The following NKAIN2 variants were observed in gnomAD, a reference collection of about 807,000 sequenced individuals.
NKAIN2 encodes the protein sodium/potassium transporting ATPase interacting 2.
A neutral mutation model predicts 32.6 loss-of-function variants in NKAIN2; 14 were observed. The observed-to-expected ratio is 0.43, with a 90% CI of 0.28 to 0.67. The LOEUF is 0.67. Among genes scored for constraint, NKAIN2 ranks in the 30% least tolerant of loss-of-function variants. The probability of loss-of-function intolerance (pLI) is 0.17; values close to 1 mark genes in which losing one functional copy is unlikely to be tolerated. For missense variants in NKAIN2, 198 were observed against 258.3 expected, an observed-to-expected ratio of 0.77 and a Z score of 1.60; for synonymous variants, 80 against 87.2, an observed-to-expected ratio of 0.92 and a Z score of 0.46.
intron 1 of NKAIN2, among the ~76,000 whole-genome samples, chr6:124,111,227 T>G (rs78299195): frequency 0.027 from 4,181 of 152,188 alleles, 157 homozygotes; most frequent in East Asian, 0.1. Flanking sequence ...GTCCATTTTT[T>G]CTTTAATGTT....
intron 3 of NKAIN2, among the ~76,000 whole-genome samples, chr6:124,592,998 C>G (rs924520080): frequency 1.3e-5 from 2 of 152,146 alleles, no homozygotes; most frequent in Non-Finnish European, 2.9e-5. Context: ...TAATCTTCCC[C>G]CTACTAACAT....
At chr6:124,792,827 G>A (rs531694700) in intron 5 of NKAIN2, among the ~76,000 whole-genome samples, 1 of 152,202 alleles carries the variant, frequency 6.6e-6, no homozygotes, top group South Asian at 2.1e-4. Flanking sequence ...GAGAAAATTG[G>A]AAAAACAAGT....
chr6:123,886,756 C>A (rs945200169), intron 1 of NKAIN2, among the ~76,000 whole-genome samples: 1 of 152,086 alleles, frequency 6.6e-6, no homozygotes, highest in Non-Finnish European at 1.5e-5. Flanking sequence ...TCAGTTCTTT[C>A]AGAACAGTAA....
intron 4 of NKAIN2, among the ~76,000 whole-genome samples, chr6:124,786,293 A>G (rs185911607): frequency 6.6e-6 from 1 of 152,208 alleles, no homozygotes; most frequent in East Asian, 1.9e-4. Context: ...TGTAATTGTT[A>G]TATATATAAT....
At chr6:124,461,337 A>T (rs62437476) in intron 3 of NKAIN2, among the ~76,000 whole-genome samples, 8,016 of 151,630 alleles carry the variant, frequency 0.053, 287 homozygotes, top group Non-Finnish European at 0.066. Context: ...AGAAAGACTG[A>T]TTTCTTTCCA....
intron 3 of NKAIN2, among the ~76,000 whole-genome samples, chr6:124,504,189 T>C (rs1164067697): frequency 6.6e-6 from 1 of 152,130 alleles, no homozygotes; most frequent in Non-Finnish European, 1.5e-5. Context: ...TCACTACCAG[T>C]TTCTCCTACC....
chr6:123,971,252 A>G (rs1289882493), intron 1 of NKAIN2, among the ~76,000 whole-genome samples: 1 of 152,120 alleles, frequency 6.6e-6, no homozygotes, highest in Non-Finnish European at 1.5e-5. Context: ...GGTTTCTCTT[A>G]CAAGGCACTA....
chr6:124,040,406 A>G (rs1353313313), intron 1 of NKAIN2, among the ~76,000 whole-genome samples: 2 of 151,968 alleles, frequency 1.3e-5, no homozygotes, highest in African/African-American at 2.4e-5. Context: ...TGTATTAAGT[A>G]TGTCTGAAGC....
intron 3 of NKAIN2, among the ~76,000 whole-genome samples, chr6:124,426,552 C>A (rs1268307302): frequency 1.3e-5 from 2 of 151,930 alleles, no homozygotes; most frequent in South Asian, 2.1e-4. Flanking sequence ...ATAGACAGAT[C>A]GAAAATAAGT....
intron 3 of NKAIN2, among the ~76,000 whole-genome samples, chr6:124,471,637 TA>T (rs1162451788): frequency 6.6e-6 from 1 of 152,126 alleles, no homozygotes. Flanking sequence ...GGCTTCAGCT[TA>T]AAGGTTATAA....
chr6:124,291,092 C>T (rs1010388681), intron 2 of NKAIN2, among the ~76,000 whole-genome samples: 45 of 152,076 alleles, frequency 3.0e-4, no homozygotes, highest in African/African-American at 9.7e-4. Flanking sequence ...TTTTATCTGT[C>T]TCATGACAGA....
chr6:124,157,030 G>C lies in NKAIN2; in HGVS notation c.55-125975G>C, dbSNP rs530802292. ...AGCCAGGAGAATTGCTTGAACCCGG[G>C]AGGCAGAGGTTGCAGTGAGCCGAGA... On this transcript the variant is annotated intron_variant, in intron 1 of 6. Coordinates refer to ENST00000368417, the MANE Select transcript of NKAIN2 (RefSeq NM_001040214.3). 1.9e-3 allele frequency among the ~76,000 whole-genome samples: 282 copies of C among 149,936 alleles called. 1 individual carries two copies. The highest frequency in any genetic ancestry group is 6.7e-3 in the African/African-American group (271 of 40,642).
At chr6:124,571,363 T>C (rs1479622612) in intron 3 of NKAIN2, among the ~76,000 whole-genome samples, 1 of 152,132 alleles carries the variant, frequency 6.6e-6, no homozygotes, top group Non-Finnish European at 1.5e-5. Context: ...TGATAAGGTT[T>C]GTCTGTGTCC....
At chr6:124,075,111 A>T (rs993526627) in intron 1 of NKAIN2, among the ~76,000 whole-genome samples, 1 of 152,186 alleles carries the variant, frequency 6.6e-6, no homozygotes, top group Non-Finnish European at 1.5e-5. Context: ...TGTGTTAACT[A>T]TCAGTGTTAA....
chr6:124,681,788 C>G (rs1166078226), intron 4 of NKAIN2, among the ~76,000 whole-genome samples: 1 of 152,020 alleles, frequency 6.6e-6, no homozygotes, highest in Non-Finnish European at 1.5e-5. Flanking sequence ...GTGAGAAAAT[C>G]TTCTATGTTT....
intron 3 of NKAIN2, among the ~76,000 whole-genome samples, chr6:124,638,638 G>A (rs932843095): frequency 2.6e-5 from 4 of 152,142 alleles, no homozygotes; most frequent in South Asian, 2.1e-4. Flanking sequence ...GCTCACGCCT[G>A]TAATCTCAGC....
intron 1 of NKAIN2, among the ~76,000 whole-genome samples, chr6:124,252,823 T>G (rs1004168696): frequency 1.3e-5 from 2 of 152,140 alleles, no homozygotes; most frequent in Admixed American, 1.3e-4. Flanking sequence ...TATCCTTATC[T>G]CTAAATTAAA....
Position 123,870,058 on chromosome 6 carries a change from T to G in NKAIN2, c.54+65804T>G, listed in dbSNP as rs113947183. On this transcript the variant is annotated intron_variant, in intron 1 of 6. Coordinates refer to ENST00000368417, the MANE Select transcript of NKAIN2 (RefSeq NM_001040214.3). ...GGTGGTGAAGAGCTCAGATTCTAAA[T>G]CTGTAATTGTCAGTAAACTTGACAA... is the stretch of plus-strand genomic sequence containing the variant. 8.6e-3 allele frequency among the ~76,000 whole-genome samples: 1,304 copies of G among 152,256 alleles called. 14 individuals carry two copies. The highest frequency in any genetic ancestry group is 0.029 in the African/African-American group (1,219 of 41,548).
chr6:124,770,270 T>C (rs554053704), intron 4 of NKAIN2, among the ~76,000 whole-genome samples: 17 of 152,338 alleles, frequency 1.1e-4, no homozygotes, highest in Admixed American at 1.1e-3. Flanking sequence ...CTTTTCCTAC[T>C]GGACTTGGCT....
Sources: gnomAD v4.1 joint callset for allele counts (sites outside exome capture counted in the v4.1 genomes callset) on GRCh38, gnomAD v4.1.1 for gene constraint, MANE v1.5 for transcripts, NCBI Gene and HGNC (gene_info 2026-07-23, HGNC 2026-07-21) for gene names.